ELP1: variants seen among roughly 807,000 people sequenced by gnomAD.
The protein encoded by ELP1 is elongator complex protein 1.
Under a neutral mutation model 183.2 loss-of-function variants are expected in ELP1, and 131 were observed. The observed-to-expected ratio is 0.72, with a 90% confidence interval of 0.62 to 0.83. The LOEUF (loss-of-function observed/expected upper bound fraction) is 0.83. ELP1 is among the 40% of genes least tolerant of loss of function. The pLI is 0.00. For synonymous variants in ELP1, 555 were observed against 569.0 expected (o/e 0.98, Z 0.35); for missense variants, 1,550 against 1,594.9 (o/e 0.97, Z 0.48).
intron 14 of ELP1, among the ~76,000 whole-genome samples, chr9:108,905,411 A>G (rs1012009778): frequency 5.3e-5 from 8 of 152,234 alleles, no homozygotes; most frequent in African/African-American, 1.9e-4. Context: ...ATTACACAGA[A>G]GAGCATTCAT....
At position 108,893,003 on chromosome 9, in the gene ELP1, T is replaced by C; in HGVS notation, c.2941A>G (p.Ser981Gly). ...YNEALKLYSP[S>G]SQQYQDISIA... Reference sequence around the variant, plus strand: ...CCACATACCTGGTACTGTTGTGAGCTTGGTGAATATAACTTCAGAGCTTCG... The same window carrying C: ...CCACATACCTGGTACTGTTGTGAGCCTGGTGAATATAACTTCAGAGCTTCG... Residue 981 changes from serine (S) to glycine (G), a missense_variant, in exon 27 of 37, where the codon AGC (serine) becomes GGC (glycine). Ser to Gly is a moderately conservative substitution (Grantham distance 56). Coordinates refer to ENST00000374647, the MANE Select transcript of ELP1 (RefSeq NM_003640.5). 1 of 1,613,388 alleles carries C rather than the reference T, an allele frequency of 6.2e-7. No homozygotes were observed. The highest frequency in any genetic ancestry group is 8.5e-7 in the Non-Finnish European group (1 of 1,179,306).
chr9:108,895,770 CAA>C (rs1334860750), intron 25 of ELP1, among the ~76,000 whole-genome samples: 1 of 152,062 alleles, frequency 6.6e-6, no homozygotes, highest in African/African-American at 2.4e-5. Flanking sequence ...CAGTGGTGTT[CAA>C]AGTTTTTGAT....
intron 16 of ELP1, 60 bp from the exon 17 acceptor site, chr9:108,901,741 T>G (rs1445259141): frequency 5.4e-6 from 8 of 1,477,524 alleles, no homozygotes; most frequent in South Asian, 1.1e-5. Flanking sequence ...TAAACCTACC[T>G]TTTCTATCAC....
intron 36 of ELP1, 120 bp downstream of exon 36, chr9:108,874,775 C>T (rs1482171180): frequency 2.7e-6 from 2 of 753,378 alleles, no homozygotes; most frequent in East Asian, 2.5e-5. Context: ...GAATTGTAGT[C>T]AATTTTTTGT....
At chr9:108,879,828 G>C (rs1054094112) in intron 32 of ELP1, among the ~76,000 whole-genome samples, 3 of 152,190 alleles carry the variant, frequency 2.0e-5, no homozygotes, top group African/African-American at 7.2e-5. Context: ...AATGGGGGTA[G>C]GTGGGAATGT....
At chr9:108,898,104 G>A (rs1193828412) in intron 22 of ELP1, among the ~76,000 whole-genome samples, 5 of 152,126 alleles carry the variant, frequency 3.3e-5, no homozygotes, top group African/African-American at 4.8e-5. Context: ...ATAAACTGGC[G>A]AATCCAGGTG....
intron 29 of ELP1, among the ~76,000 whole-genome samples, chr9:108,882,526 T>C (rs1055488582): frequency 1.3e-5 from 2 of 152,130 alleles, no homozygotes; most frequent in African/African-American, 4.8e-5. Flanking sequence ...GGCTCCAGAA[T>C]TGTTAACAAG....
intron 14 of ELP1, 127 bp downstream of exon 14, chr9:108,906,176 T>C: frequency 2.4e-6 from 2 of 850,068 alleles, no homozygotes; most frequent in Non-Finnish European, 3.9e-6. Flanking sequence ...TCTTGTTAAG[T>C]GTGTCTAACA....
rs1454606212 is a variant in ELP1 at position 108,906,330 on chromosome 9, T to C, written c.1616A>G (p.Asp539Gly). The change falls in exon 14 of 37, where the codon GAT becomes GGT. Residue 539 changes from aspartate (D) to glycine (G), a missense_variant. Coordinates refer to ENST00000374647, the MANE Select transcript of ELP1 (RefSeq NM_003640.5). ...HHLTAASSEM[D>G]EEHGQLNVSS... ...GACATTGAGCTGTCCATGCTCTTCATCCATCTCAGAAGAAGCTGCAGTCAA... is the reference window on the plus strand; with the variant it reads ...GACATTGAGCTGTCCATGCTCTTCACCCATCTCAGAAGAAGCTGCAGTCAA... 3.1e-6 allele frequency: 5 copies of C among 1,614,012 alleles called. No individual in the cohort carries two copies. The highest frequency in any genetic ancestry group is 1.7e-5 in the Admixed American group (1 of 60,030).
intron 5 of ELP1, among the ~76,000 whole-genome samples, chr9:108,926,012 G>T (rs1829813479): frequency 6.6e-6 from 1 of 152,212 alleles, no homozygotes; most frequent in Non-Finnish European, 1.5e-5. Flanking sequence ...CAGCTACTTT[G>T]TGACTTCAAG....
chr9:108,920,441 C>T (rs1829603927), intron 6 of ELP1, among the ~76,000 whole-genome samples: 1 of 152,088 alleles, frequency 6.6e-6, no homozygotes, highest in Non-Finnish European at 1.5e-5. Flanking sequence ...GCCACCATGC[C>T]TGGCTAATTT....
chr9:108,903,464 T>C, intron 15 of ELP1, 99 bp downstream of exon 15: 1 of 876,578 alleles, frequency 1.1e-6, no homozygotes. Flanking sequence ...TTAAAAGACC[T>C]GACAATCAAT....
intron 36 of ELP1, 82 bp downstream of exon 36, chr9:108,874,813 T>C: frequency 2.1e-6 from 2 of 970,584 alleles, no homozygotes; most frequent in Non-Finnish European, 3.3e-6. Flanking sequence ...AATCTCTCCT[T>C]ATACTGCTGA....
At chr9:108,894,769 T>C (rs1023787777) in intron 25 of ELP1, among the ~76,000 whole-genome samples, 5 of 152,184 alleles carry the variant, frequency 3.3e-5, no homozygotes, top group African/African-American at 9.7e-5. Flanking sequence ...AAAACAAACA[T>C]AAAATTATAC....
At chr9:108,929,686 A>T in intron 3 of ELP1, 83 bp downstream of exon 3, 1 of 1,373,180 alleles carries the variant, frequency 7.3e-7, no homozygotes, top group Non-Finnish European at 1.0e-6. Context: ...TATTATGGCT[A>T]CTGATTTGAA....
At chr9:108,909,758 C>G (rs976337652) in intron 12 of ELP1, among the ~76,000 whole-genome samples, 23 of 152,136 alleles carry the variant, frequency 1.5e-4, no homozygotes, top group African/African-American at 5.6e-4. Context: ...TATGGCCAAC[C>G]CCACATATTG....
chr9:108,872,237 T>C (rs1005614533), intron 36 of ELP1, among the ~76,000 whole-genome samples: 1 of 152,132 alleles, frequency 6.6e-6, no homozygotes, highest in African/African-American at 2.4e-5. Context: ...CATGGCATTT[T>C]AAGCAGATAT....
At chr9:108,912,528 G>T (rs1393700973) in intron 10 of ELP1, 34 bp from the exon 11 acceptor site, 1 of 1,512,414 alleles carries the variant, frequency 6.6e-7, no homozygotes, top group Non-Finnish European at 9.2e-7. Flanking sequence ...GCCGTTAGAG[G>T]CTGGGAAGCA....
chr9:108,912,191 C>T (rs1829248521), intron 11 of ELP1, 73 bp downstream of exon 11: 1 of 1,174,302 alleles, frequency 8.5e-7, no homozygotes, highest in South Asian at 1.2e-5. Flanking sequence ...CTGTTCCAGT[C>T]AAACCACCAC....
Sources: allele counts gnomAD v4.1 joint callset (sites outside exome capture counted in the v4.1 genomes callset), GRCh38; gene constraint gnomAD v4.1.1; transcripts MANE v1.5; gene names NCBI Gene and HGNC (gene_info 2026-07-23, HGNC 2026-07-21).